SLIT2: variants seen among roughly 807,000 people sequenced by gnomAD.
SLIT2 encodes the protein slit guidance ligand 2.
A neutral mutation model predicts 185.7 loss-of-function variants in SLIT2; 41 were observed. That is an observed-to-expected ratio of 0.22 (90% CI 0.17 to 0.29). The LOEUF is 0.29. SLIT2 is among the 10% of genes least tolerant of loss of function. SLIT2 has a pLI of 1.00. For missense variants in SLIT2, 1,571 were observed against 1,909.0 expected (o/e 0.82, Z 3.30); for synonymous variants, 693 against 680.2 (o/e 1.02, Z -0.29).
Position 20,617,209 on chromosome 4 carries a change from G to C in SLIT2, c.4136+11G>C, listed in dbSNP as rs767733574. ...TTGCCTTGGAAATAAGTAAGTTCCT[G>C]CTGCTTGGGAGTTGAGCACACACCT... On this transcript the variant is annotated intron_variant, in intron 35 of 36. Transcript: ENST00000504154. The C allele has an allele frequency of 3.9e-6, 6 of 1,558,364 alleles. No individual in the cohort carries two copies. Among genetic ancestry groups the C allele is most frequent in the South Asian group, 1.2e-5 (1 of 82,430 alleles).
chr4:20,432,024 T>C (rs1162466342), intron 4 of SLIT2, among the ~76,000 whole-genome samples: 1 of 149,972 alleles, frequency 6.7e-6, no homozygotes, highest in Non-Finnish European at 1.5e-5. Context: ...TGCTTGTGTG[T>C]GTGAGAGAGA....
Position 20,539,504 on chromosome 4 carries a change from G to A in SLIT2, c.1896G>A (p.Val632=). 1 of 1,613,658 alleles carries A rather than the reference G, an allele frequency of 6.2e-7. No individual in the cohort carries two copies. Among genetic ancestry groups the A allele is most frequent in the Non-Finnish European group, 8.5e-7 (1 of 1,179,726 alleles). ...GNDSFIGLSS[V]RLLSLYDNQI... is the part of the protein sequence containing the mutation. ...ACAGTTTCATAGGACTCAGTTCTGT[G>A]CGTTTGCTTTCTTTGTATGATAATC... Residue 632 remains valine, a synonymous_variant, in exon 19 of 37, where the codon GTG becomes GTA. Transcript: ENST00000504154.
At chr4:20,463,709 C>T (rs988238930) in intron 4 of SLIT2, among the ~76,000 whole-genome samples, 2 of 150,180 alleles carry the variant, frequency 1.3e-5, no homozygotes, top group Admixed American at 1.3e-4. Flanking sequence ...CCCATCTGTA[C>T]TAAAAATACA....
At chr4:20,453,123 T>C (rs1577684886) in intron 4 of SLIT2, among the ~76,000 whole-genome samples, 1 of 152,238 alleles carries the variant, frequency 6.6e-6, no homozygotes, top group Non-Finnish European at 1.5e-5. Flanking sequence ...AATTATAATA[T>C]GACTTTTTGC....
At chr4:20,291,409 A>T (rs1375922403) in intron 4 of SLIT2, among the ~76,000 whole-genome samples, 1 of 132,908 alleles carries the variant, frequency 7.5e-6, no homozygotes, top group Non-Finnish European at 1.6e-5. Context: ...TCCAGCATGC[A>T]CTCTGACCAT....
chr4:20,604,693 A>G (rs2148970907), intron 33 of SLIT2, among the ~76,000 whole-genome samples: 1 of 152,018 alleles, frequency 6.6e-6, no homozygotes, highest in East Asian at 1.9e-4. Flanking sequence ...CCTTTTGACT[A>G]AAGAGATAGG....
At chr4:20,387,206 A>G (rs945681209) in intron 4 of SLIT2, among the ~76,000 whole-genome samples, 2 of 152,152 alleles carry the variant, frequency 1.3e-5, no homozygotes, top group South Asian at 4.1e-4. Context: ...TGTTGTTCTC[A>G]GGGCTCCTTT....
chr4:20,398,076 G>A (rs1217015903), intron 4 of SLIT2, among the ~76,000 whole-genome samples: 1 of 151,800 alleles, frequency 6.6e-6, no homozygotes, highest in Non-Finnish European at 1.5e-5. Context: ...GGTACCTAGT[G>A]TGAGATTGTG....
At chr4:20,412,243 GTTTT>G (rs2109432352) in intron 4 of SLIT2, among the ~76,000 whole-genome samples, 1 of 151,512 alleles carries the variant, frequency 6.6e-6, no homozygotes, top group African/African-American at 2.4e-5. Flanking sequence ...ATTTTTCAAT[GTTTT>G]TATCAAGAAC....
chr4:20,518,595 T>A (rs1406773717), intron 11 of SLIT2, among the ~76,000 whole-genome samples: 100 of 13,086 alleles, frequency 7.6e-3, no homozygotes, highest in East Asian at 0.026. Context: ...ATATTTTTTT[T>A]TTTTTTTTTT....
chr4:20,327,094 T>G (rs1440373528), intron 4 of SLIT2, among the ~76,000 whole-genome samples: 1 of 152,012 alleles, frequency 6.6e-6, no homozygotes, highest in African/African-American at 2.4e-5. Flanking sequence ...CTCCTATTAT[T>G]CATATTCTTT....
intron 26 of SLIT2, among the ~76,000 whole-genome samples, chr4:20,563,358 G>A (rs1042670340): frequency 1.3e-5 from 2 of 151,708 alleles, no homozygotes; most frequent in Admixed American, 6.6e-5. Flanking sequence ...TTAATAATAT[G>A]TTAACATTTC....
chr4:20,548,609 G>A, intron 23 of SLIT2, 50 bp downstream of exon 23: 1 of 1,080,726 alleles, frequency 9.3e-7, no homozygotes, highest in South Asian at 1.3e-5. Flanking sequence ...ATGGACAAAA[G>A]GCAGTCTCTA....
chr4:20,457,329 T>C (rs1713184600), intron 4 of SLIT2, among the ~76,000 whole-genome samples: 1 of 151,920 alleles, frequency 6.6e-6, no homozygotes, highest in Non-Finnish European at 1.5e-5. Context: ...GAAGGAAGAC[T>C]ACTCCAGTAT....
At chr4:20,316,976 A>G (rs528879950) in intron 4 of SLIT2, among the ~76,000 whole-genome samples, 3 of 151,652 alleles carry the variant, frequency 2.0e-5, no homozygotes, top group East Asian at 3.9e-4. Flanking sequence ...GCAGTATTCT[A>G]TGTGTAAAAC....
chr4:20,451,511 G>C (rs899308972), intron 4 of SLIT2, among the ~76,000 whole-genome samples: 2 of 152,116 alleles, frequency 1.3e-5, no homozygotes, highest in Non-Finnish European at 2.9e-5. Flanking sequence ...TTCATATGTT[G>C]TTGGTTAATT....
chr4:20,408,357 C>T (rs1244165466), intron 4 of SLIT2, among the ~76,000 whole-genome samples: 1 of 152,112 alleles, frequency 6.6e-6, no homozygotes, highest in Non-Finnish European at 1.5e-5. Context: ...AAGCCCTTGC[C>T]AAACCCCTTC....
intron 26 of SLIT2, among the ~76,000 whole-genome samples, chr4:20,566,723 T>G (rs1560200498): frequency 1.3e-5 from 2 of 152,064 alleles, no homozygotes. Context: ...TATTTCTATA[T>G]GCATAAAGTG....
intron 11 of SLIT2, among the ~76,000 whole-genome samples, chr4:20,512,554 G>A (rs915254733): frequency 1.3e-5 from 2 of 152,094 alleles, no homozygotes; most frequent in African/African-American, 4.8e-5. Flanking sequence ...GTCATGTATT[G>A]CTCTCAGGCT....
Sources: allele counts gnomAD v4.1 joint callset (sites outside exome capture counted in the v4.1 genomes callset), GRCh38; gene constraint gnomAD v4.1.1; transcripts MANE v1.5; gene names NCBI Gene and HGNC (gene_info 2026-07-23, HGNC 2026-07-21).